The following PHC1 variants were observed in gnomAD, a reference collection of about 807,000 sequenced individuals.
PHC1 encodes the protein polyhomeotic homolog 1.
A neutral mutation model predicts 104.3 loss-of-function variants in PHC1; 12 were observed. The observed-to-expected ratio is 0.12, with a 90% CI of 0.07 to 0.19. The LOEUF is 0.19. Among genes scored for constraint, PHC1 ranks in the 10% least tolerant of loss-of-function variants. The pLI is 1.00. For synonymous variants in PHC1, 302 were observed against 455.8 expected (o/e 0.66, Z 4.30); for missense variants, 671 against 1,200.0 (o/e 0.56, Z 6.51).
intron 3 of PHC1, among the ~76,000 whole-genome samples, 198 bp from the exon 4 acceptor site, chr12:8,920,787 G>A (rs767709386): frequency 1.3e-5 from 2 of 152,322 alleles, no homozygotes; most frequent in South Asian, 2.1e-4. Flanking sequence ...GGAGGGTTAT[G>A]TGGGGCTAAT....
intron 3 of PHC1, 52 bp from the exon 4 acceptor site, chr12:8,920,933 G>A (rs1337351150): frequency 5.7e-6 from 7 of 1,233,558 alleles, no homozygotes; most frequent in African/African-American, 3.0e-5. Context: ...AAGACTGAGA[G>A]CTTTTTCCTT....
At chr12:8,931,328 T>C (rs1433651286) in intron 7 of PHC1, among the ~76,000 whole-genome samples, 1 of 152,248 alleles carries the variant, frequency 6.6e-6, no homozygotes, top group African/African-American at 2.4e-5. Context: ...CTATAAGGGA[T>C]GAATTCTCAC....
chr12:8,921,794 TCTGGCC>T, intron 5 of PHC1, 44 bp downstream of exon 5: 3 of 1,521,692 alleles, frequency 2.0e-6, no homozygotes, highest in Non-Finnish European at 2.6e-6. Context: ...GGCATAATTG[TCTGGCC>T]CTGGCAAAGA....
intron 8 of PHC1, 157 bp from the exon 9 acceptor site, chr12:8,933,708 A>G (rs1292366109): frequency 6.1e-6 from 4 of 659,832 alleles, no homozygotes; most frequent in Non-Finnish European, 1.0e-5. Context: ...ATGGAAAGTT[A>G]CTAGGAATGA....
chr12:8,918,880 G>A (rs908810095), intron 2 of PHC1, among the ~76,000 whole-genome samples: 6 of 152,140 alleles, frequency 3.9e-5, no homozygotes, highest in African/African-American at 1.4e-4. Context: ...GTCATAGAGC[G>A]CACTTACACA....
chr12:8,934,618 GA>G (rs1945782529), intron 10 of PHC1, 140 bp downstream of exon 10: 1 of 612,194 alleles, frequency 1.6e-6, no homozygotes, highest in Non-Finnish European at 2.8e-6. Context: ...TAATTATAAA[GA>G]AGGAAAGGGA....
chr12:8,937,411 A>G (rs1458109166), intron 13 of PHC1, 85 bp downstream of exon 13: 1 of 1,255,122 alleles, frequency 8.0e-7, no homozygotes, highest in Non-Finnish European at 1.1e-6. Flanking sequence ...CCCAGGTAAG[A>G]GGGTGTGAGA....
Position 8,933,499 on chromosome 12 carries a change from A to G in PHC1, c.1893+149A>G, listed in dbSNP as rs1945749736. On this transcript the variant is annotated intron_variant, in intron 8 of 14. Transcript: ENST00000544916. ...TGCTTCTTCTGTAAGAGAGTGACAC[A>G]TTATATAATATCTGAACTTTATACT... 19 of 1,030,186 alleles carry G rather than the reference A, an allele frequency of 1.8e-5. No individual in the cohort carries two copies. The South Asian group carries it at 3.0e-4, about 16-fold the overall frequency. The allele number at this position is 1,030,186 out of a possible 1,614,324, so 63.8% of individuals were successfully genotyped here. A position where few individuals can be genotyped will look rare whatever the true frequency, so the allele number is the denominator to read the frequency against.
intron 7 of PHC1, among the ~76,000 whole-genome samples, chr12:8,931,221 T>C (rs1182497284): frequency 6.6e-6 from 1 of 152,204 alleles, no homozygotes; most frequent in Non-Finnish European, 1.5e-5. Context: ...GTCTATTCAT[T>C]CATCACATCT....
intron 13 of PHC1, 137 bp downstream of exon 13, chr12:8,937,463 C>G: frequency 1.2e-6 from 1 of 816,004 alleles, no homozygotes; most frequent in Non-Finnish European, 1.9e-6. Context: ...CTACAAATTC[C>G]AAGAGATCCT....
At position 8,934,464 on chromosome 12, in the gene PHC1, G is replaced by A. The variant is rs749767933; in HGVS notation, c.2239G>A (p.Ala747Thr). 8.7e-6 allele frequency: 14 copies of A among 1,613,136 alleles called. No individual in the cohort carries two copies. The highest frequency in any genetic ancestry group is 1.7e-6 in the Non-Finnish European group (2 of 1,179,340). Residue 747 changes from alanine (A) to threonine (T), a missense_variant, in exon 10 of 15, where the codon GCA (alanine) becomes ACA (threonine). Around this residue, in one of 9 missense-constraint regions of PHC1, gnomAD observed 29 missense variants for 78.0 expected, o/e 0.37. Transcript: ENST00000544916. ...IIEGFVIQEG[A>T]EPFPVGCSQL... ...TGAAGGCTTTGTTATCCAGGAAGGA[G>A]CAGAACCTTTCCCGGTGAGGGCAGG...
intron 11 of PHC1, 61 bp downstream of exon 11, chr12:8,935,299 C>A: frequency 1.1e-6 from 1 of 889,134 alleles, no homozygotes; most frequent in Non-Finnish European, 1.8e-6. Flanking sequence ...TGTTTGAGGA[C>A]TCGGTGTAAA....
At chr12:8,921,109 T>C in intron 4 of PHC1, 44 bp downstream of exon 4, 2 of 1,430,560 alleles carry the variant, frequency 1.4e-6, no homozygotes, top group South Asian at 1.2e-5. Flanking sequence ...TACCTGGGTC[T>C]TTGTCTCTGG....
chr12:8,931,995 A>G (rs752156994), intron 7 of PHC1, among the ~76,000 whole-genome samples: 8 of 152,244 alleles, frequency 5.3e-5, no homozygotes, highest in Non-Finnish European at 7.3e-5. Context: ...GAGTTAGGTC[A>G]GAGCTGACAG....
At chr12:8,926,437 T>C (rs1439811889) in intron 6 of PHC1, among the ~76,000 whole-genome samples, 1 of 146,516 alleles carries the variant, frequency 6.8e-6, no homozygotes, top group Non-Finnish European at 1.5e-5. Context: ...GGCAGCGTAG[T>C]CAAACTCTGT....
intron 11 of PHC1, among the ~76,000 whole-genome samples, chr12:8,935,853 T>A (rs1285459157): frequency 2.0e-5 from 3 of 151,894 alleles, no homozygotes; most frequent in Non-Finnish European, 1.5e-5. Context: ...CAGTGCCTCC[T>A]GGGTTCAAGC....
intron 11 of PHC1, 119 bp from the exon 12 acceptor site, chr12:8,936,737 T>G: frequency 3.0e-6 from 2 of 670,884 alleles, no homozygotes. Flanking sequence ...TCAACTAGGT[T>G]GTGTAGGTTT....
At chr12:8,921,471 T>C (rs1240253806) in intron 4 of PHC1, 130 bp from the exon 5 acceptor site, 4 of 838,734 alleles carry the variant, frequency 4.8e-6, no homozygotes, top group African/African-American at 1.7e-5. Context: ...GAAGACATTA[T>C]TTATTTCCCC....
chr12:8,921,638 G>C lies in PHC1; in HGVS notation c.344G>C (p.Ser115Thr). Reference sequence around the variant, plus strand: ...ACCACATCGGCCGCCCAGCTCATCAGCCGATCCCAGAGTGTGAGCTCTCCC... The same window carrying C: ...ACCACATCGGCCGCCCAGCTCATCACCCGATCCCAGAGTGTGAGCTCTCCC... ...LATTSAAQLI[S>T]RSQSVSSPSA... is the part of the protein sequence containing the mutation. Residue 115 changes from serine to threonine, a missense_variant, in exon 5 of 15, where the codon AGC (serine) becomes ACC (threonine). This residue lies in a region of PHC1 where 237 missense variants were observed against 331.1 expected (regional missense o/e 0.72). Coordinates refer to ENST00000544916, the MANE Select transcript of PHC1 (RefSeq NM_004426.3). The C allele has an allele frequency of 2.5e-6, 4 of 1,613,778 alleles. No individual in the cohort carries two copies. The highest frequency in any genetic ancestry group is 3.4e-6 in the Non-Finnish European group (4 of 1,179,870).
Sources: gnomAD v4.1 joint callset for allele counts (sites outside exome capture counted in the v4.1 genomes callset) on GRCh38, gnomAD v4.1.1 for gene constraint, gnomAD v4.1.1 regional missense constraint, MANE v1.5 for transcripts, NCBI Gene and HGNC (gene_info 2026-07-23, HGNC 2026-07-21) for gene names.